Variants in KCNN2 observed in about 807,000 individuals in gnomAD.
KCNN2 encodes small conductance calcium-activated potassium channel protein 2.
Under a neutral mutation model 55.5 loss-of-function variants are expected in KCNN2, and 24 were observed. The ratio of observed to expected loss-of-function variants is 0.43; its 90% CI spans 0.31 to 0.61. The LOEUF is 0.61. Ranked by LOEUF, KCNN2 falls within the 20% of genes least tolerant of loss-of-function variation. The probability of loss-of-function intolerance (pLI) is 0.08; values close to 1 mark genes in which losing one functional copy is unlikely to be tolerated. For synonymous variants in KCNN2, 431 were observed against 336.1 expected (o/e 1.28, Z -3.09); for missense variants, 754 against 853.6 (o/e 0.88, Z 1.45).
At chr5:114,302,587 A>C (rs1384189560) in intron 2 of KCNN2, among the ~76,000 whole-genome samples, 2 of 152,136 alleles carry the variant, frequency 1.3e-5, no homozygotes, top group African/African-American at 4.8e-5. Flanking sequence ...AAAGAGCAAA[A>C]TTTTATTTTA....
intron 2 of KCNN2, among the ~76,000 whole-genome samples, chr5:114,279,856 A>T (rs1334561694): frequency 6.6e-6 from 1 of 152,100 alleles, no homozygotes; most frequent in Non-Finnish European, 1.5e-5. Flanking sequence ...CTAGTTCTAG[A>T]TCCTCGAGGA....
At chr5:114,478,954 A>T (rs1197128870) in intron 5 of KCNN2, among the ~76,000 whole-genome samples, 1 of 152,212 alleles carries the variant, frequency 6.6e-6, no homozygotes, top group Admixed American at 6.5e-5. Flanking sequence ...ATACCAAAGT[A>T]CATAGACCAC....
At chr5:114,463,014 A>C (rs1230096008) in intron 3 of KCNN2, 35 bp from the exon 4 acceptor site, 3 of 1,597,674 alleles carry the variant, frequency 1.9e-6, no homozygotes, top group Non-Finnish European at 2.6e-6. Flanking sequence ...TTGGAGATTA[A>C]TTATAAAGGA....
chr5:114,337,994 T>G (rs1158539879), intron 2 of KCNN2, among the ~76,000 whole-genome samples: 1 of 152,180 alleles, frequency 6.6e-6, no homozygotes, highest in African/African-American at 2.4e-5. Flanking sequence ...AGAGGCTGGT[T>G]ATATTTTCAT....
chr5:114,428,879 T>C (rs1473896413), intron 3 of KCNN2, among the ~76,000 whole-genome samples: 1 of 152,130 alleles, frequency 6.6e-6, no homozygotes, highest in Non-Finnish European at 1.5e-5. Flanking sequence ...TTAAGATTCT[T>C]CCATATCTTT....
intron 2 of KCNN2, among the ~76,000 whole-genome samples, chr5:114,333,190 G>T (rs1756857001): frequency 6.6e-6 from 1 of 152,196 alleles, no homozygotes; most frequent in Non-Finnish European, 1.5e-5. Flanking sequence ...AGGAAGAATG[G>T]AATGTGAAGA....
rs553224422 is a variant in KCNN2 at position 114,391,339 on chromosome 5, G to A, written c.1219-13099G>A. ...TCACTTTTACTAGGGACAGCAGAGT[G>A]GGTGTTAATGCATACTAATCATGTA... On this transcript the variant is annotated intron_variant, in intron 2 of 7. Transcript: ENST00000673685. 1.4e-4 allele frequency among the ~76,000 whole-genome samples: 21 copies of A among 152,216 alleles called. No individual in the cohort carries two copies. In the South Asian group the frequency reaches 3.3e-3, roughly 24 times the overall value.
intron 2 of KCNN2, among the ~76,000 whole-genome samples, chr5:114,225,236 G>T (rs1754216870): frequency 6.6e-6 from 1 of 152,078 alleles, no homozygotes; most frequent in African/African-American, 2.4e-5. Flanking sequence ...TTAATTTAAA[G>T]ATCTAATTAA....
chr5:114,193,750 A>G (rs925622416), intron 1 of KCNN2, among the ~76,000 whole-genome samples: 3 of 152,136 alleles, frequency 2.0e-5, no homozygotes, highest in African/African-American at 4.8e-5. Flanking sequence ...TCTGTTTCAG[A>G]TCTGCCCCTA....
chr5:114,165,955 T>C (rs1752901642), intron 1 of KCNN2, among the ~76,000 whole-genome samples: 1 of 152,160 alleles, frequency 6.6e-6, no homozygotes, highest in Non-Finnish European at 1.5e-5. Context: ...AATGTTTTTT[T>C]CTTACTGACT....
chr5:114,471,410 G>A (rs542349946), intron 4 of KCNN2, among the ~76,000 whole-genome samples: 2 of 152,120 alleles, frequency 1.3e-5, no homozygotes, highest in South Asian at 2.1e-4. Flanking sequence ...AAAAGAAAAC[G>A]GTCTATAATG....
intron 2 of KCNN2, among the ~76,000 whole-genome samples, chr5:114,347,256 G>C (rs1240498157): frequency 1.3e-5 from 2 of 152,146 alleles, no homozygotes; most frequent in Non-Finnish European, 2.9e-5. Context: ...TAGTCTCAAA[G>C]AATCTTATAA....
At chr5:114,190,178 A>G (rs1399538375) in intron 1 of KCNN2, among the ~76,000 whole-genome samples, 1 of 151,994 alleles carries the variant, frequency 6.6e-6, no homozygotes, top group African/African-American at 2.4e-5. Flanking sequence ...CAAGTCAGTT[A>G]ATCCTCACAA....
At chr5:114,134,699 A>G (rs1412729940) in intron 1 of KCNN2, among the ~76,000 whole-genome samples, 1 of 151,452 alleles carries the variant, frequency 6.6e-6, no homozygotes, top group East Asian at 2.0e-4. Context: ...CTGGTCTTCA[A>G]CTCCTGACCT....
intron 1 of KCNN2, among the ~76,000 whole-genome samples, chr5:114,080,225 A>C (rs551307155): frequency 2.0e-5 from 3 of 152,178 alleles, no homozygotes; most frequent in East Asian, 1.9e-4. Flanking sequence ...TAGAATGAGA[A>C]AGCAACTTGC....
intron 2 of KCNN2, among the ~76,000 whole-genome samples, chr5:114,278,767 A>G (rs952119826): frequency 2.0e-5 from 3 of 152,188 alleles, no homozygotes; most frequent in African/African-American, 4.8e-5. Context: ...CTCCAGGTAC[A>G]GTCACTCACA....
chr5:114,292,129 C>T (rs1755903605), intron 2 of KCNN2, among the ~76,000 whole-genome samples: 3 of 152,292 alleles, frequency 2.0e-5, no homozygotes, highest in East Asian at 3.9e-4. Flanking sequence ...AATTTTCTCC[C>T]ATTCTGTAGG....
At chr5:114,482,051 A>G (rs753168938) in intron 5 of KCNN2, among the ~76,000 whole-genome samples, 3 of 152,232 alleles carry the variant, frequency 2.0e-5, no homozygotes, top group Non-Finnish European at 2.9e-5. Context: ...TAAACTAAAG[A>G]GTTTCTGCAC....
chr5:114,403,169 T>C (rs1758836767), intron 2 of KCNN2, among the ~76,000 whole-genome samples: 1 of 152,198 alleles, frequency 6.6e-6, no homozygotes, highest in Non-Finnish European at 1.5e-5. Context: ...ATAACTTTAT[T>C]GGAACTCAGC....
Sources: allele counts gnomAD v4.1 joint callset (sites outside exome capture counted in the v4.1 genomes callset), GRCh38; gene constraint gnomAD v4.1.1; transcripts MANE v1.5; gene names NCBI Gene and HGNC (gene_info 2026-07-23, HGNC 2026-07-21).